MLPH: variants seen among roughly 807,000 people sequenced by gnomAD.
MLPH encodes the protein melanophilin, also known as exophilin-3.
Under a neutral mutation model 72.1 loss-of-function variants are expected in MLPH, and 51 were observed. The ratio of observed to expected loss-of-function variants is 0.71; its 90% confidence interval spans 0.56 to 0.89. The LOEUF is 0.89. MLPH is among the 40% of genes least tolerant of loss of function. The pLI is 0.00. For missense variants in MLPH, 743 were observed against 759.9 expected (o/e 0.98, Z 0.26); for synonymous variants, 301 against 310.1 (o/e 0.97, Z 0.31).
At chr2:237,526,461 T>C (rs2080307458) in intron 7 of MLPH, among the ~76,000 whole-genome samples, 1 of 152,114 alleles carries the variant, frequency 6.6e-6, no homozygotes, top group African/African-American at 2.4e-5. Context: ...GAAGGGGCCG[T>C]AATCTCATGC....
chr2:237,494,343 C>T (rs988155041), intron 2 of MLPH, among the ~76,000 whole-genome samples: 5 of 151,174 alleles, frequency 3.3e-5, no homozygotes, highest in South Asian at 4.2e-4. Context: ...CACAGGCTGG[C>T]GAGGCTGGAG....
chr2:237,510,555 T>C lies in MLPH; in HGVS notation c.111-19T>C, dbSNP rs771963302. On this transcript the variant is annotated intron_variant, in intron 2 of 15. Coordinates refer to ENST00000264605, the MANE Select transcript of MLPH (RefSeq NM_024101.7). This position sits in a 1 kb window ranked among gnomAD's most constrained non-coding sequence, Gnocchi z 4.4. ...AACAAGATGCCCAATATATTTCTTG[T>C]TTCTGATATTTTCCCAAGGGCGTTG... The C allele has an allele frequency of 6.2e-7, 1 of 1,611,970 alleles. No homozygotes were observed. Among genetic ancestry groups the C allele is most frequent in the Non-Finnish European group, 8.5e-7 (1 of 1,179,356 alleles).
intron 2 of MLPH, among the ~76,000 whole-genome samples, chr2:237,508,922 T>C (rs2079832510): frequency 6.6e-6 from 1 of 152,242 alleles, no homozygotes; most frequent in Admixed American, 6.5e-5. Context: ...GTAAGTCACA[T>C]TCAGGAGGGT....
intron 6 of MLPH, among the ~76,000 whole-genome samples, chr2:237,522,238 GC>G (rs2080201390): frequency 6.3e-5 from 3 of 47,852 alleles, no homozygotes; most frequent in African/African-American, 1.4e-4. Context: ...CTGGAGTGGA[GC>G]TGGGCTGAGA....
chr2:237,495,785 A>G (rs1170753225), intron 2 of MLPH, among the ~76,000 whole-genome samples: 1 of 152,180 alleles, frequency 6.6e-6, no homozygotes, highest in Non-Finnish European at 1.5e-5. Flanking sequence ...AGCCAGTACC[A>G]GCCTGGTGGC....
chr2:237,539,057 G>T (rs540703222), intron 9 of MLPH, among the ~76,000 whole-genome samples: 2 of 152,182 alleles, frequency 1.3e-5, no homozygotes, highest in Non-Finnish European at 2.9e-5. Flanking sequence ...GCGGGTGGGC[G>T]CGCAGAGGCT....
chr2:237,540,738 C>T, intron 10 of MLPH, 64 bp from the exon 11 acceptor site: 2 of 1,595,636 alleles, frequency 1.3e-6, no homozygotes, highest in East Asian at 4.5e-5. Context: ...TGGTGAGTCC[C>T]CATCTGGGTG....
At chr2:237,514,450 T>C (rs1272535070) in intron 4 of MLPH, among the ~76,000 whole-genome samples, 2 of 151,570 alleles carry the variant, frequency 1.3e-5, no homozygotes, top group Non-Finnish European at 2.9e-5. Context: ...AGGGAAAGAG[T>C]GATATTTGTA....
chr2:237,532,631 C>T (rs1019376419), intron 8 of MLPH, among the ~76,000 whole-genome samples: 4 of 152,170 alleles, frequency 2.6e-5, no homozygotes, highest in Non-Finnish European at 4.4e-5. Context: ...TTGGTATTGT[C>T]GCGAGTTGAA....
In MLPH at chr2:237,553,778, CCT is replaced by C; in HGVS notation, c.*187_*188del. The C allele has an allele frequency of 1.2e-6, 1 of 833,618 alleles. No homozygotes were observed. Among genetic ancestry groups the C allele is most frequent in the Middle Eastern group, 2.7e-4 (1 of 3,748 alleles). 51.6% of individuals were successfully genotyped at this position (833,618 alleles called of 1,614,324 possible). On this transcript the variant is annotated 3_prime_UTR_variant, in exon 16 of 16. Coordinates refer to ENST00000264605, the MANE Select transcript of MLPH (RefSeq NM_024101.7). ...GCGACATTCAGTCCTGCACTGCTCA[CCT>C]GGGTTTACTGATGACTCCTGGCTGC...
At chr2:237,545,733 G>A in intron 12 of MLPH, 1 of 1,090,888 alleles carries the variant, frequency 9.2e-7, no homozygotes, top group Admixed American at 3.6e-5. Flanking sequence ...AAGAATGAAA[G>A]ATGACCTTAG....
At chr2:237,552,518 A>G (rs1165017491) in intron 15 of MLPH, 81 bp downstream of exon 15, 20 of 1,199,000 alleles carry the variant, frequency 1.7e-5, no homozygotes, top group Non-Finnish European at 2.4e-5. Context: ...AAGTCTTCAG[A>G]GCAAAGAAAA....
At chr2:237,527,571 T>C in intron 8 of MLPH, 55 bp downstream of exon 8, 1 of 1,605,882 alleles carries the variant, frequency 6.2e-7, no homozygotes, top group Non-Finnish European at 8.5e-7. Flanking sequence ...GGAGTCTTTT[T>C]ACCTCCACAC....
intron 14 of MLPH, among the ~76,000 whole-genome samples, chr2:237,550,033 G>T (rs1330831488): frequency 6.6e-6 from 1 of 152,232 alleles, no homozygotes; most frequent in Non-Finnish European, 1.5e-5. Context: ...ACACACTGGA[G>T]CCAGCCTGCC....
intron 8 of MLPH, among the ~76,000 whole-genome samples, chr2:237,533,390 CTTTTTTTTTT>C (rs746139615): frequency 1.9e-5 from 2 of 108,008 alleles, no homozygotes; most frequent in East Asian, 5.2e-4. Context: ...ATTTTCTTTT[CTTTTTTTTTT>C]TTTTTTTTTT....
intron 14 of MLPH, among the ~76,000 whole-genome samples, chr2:237,550,670 C>T (rs985164348): frequency 1.3e-5 from 2 of 152,212 alleles, no homozygotes; most frequent in East Asian, 1.9e-4. Flanking sequence ...CTGCCTCTGC[C>T]TCCTGAGTAG....
chr2:237,536,095 G>A (rs981023730), intron 9 of MLPH, among the ~76,000 whole-genome samples: 2 of 152,198 alleles, frequency 1.3e-5, no homozygotes, highest in African/African-American at 4.8e-5. Flanking sequence ...TAGGTTTGCA[G>A]CTGCTCATTT....
intron 1 of MLPH, among the ~76,000 whole-genome samples, chr2:237,492,779 C>T (rs995283185): frequency 6.6e-6 from 1 of 152,208 alleles, no homozygotes; most frequent in African/African-American, 2.4e-5. Flanking sequence ...CCCAAACACA[C>T]ACATGGCAAA....
intron 4 of MLPH, chr2:237,511,476 A>G: frequency 7.8e-6 from 2 of 256,634 alleles, no homozygotes; most frequent in South Asian, 9.7e-5. Flanking sequence ...TGAGCACCTC[A>G]GAAGTCCTGG....
Sources: gnomAD v4.1 joint callset for allele counts (sites outside exome capture counted in the v4.1 genomes callset) on GRCh38, gnomAD v4.1.1 for gene constraint, Gnocchi (gnomAD v3.1) non-coding constraint, MANE v1.5 for transcripts, NCBI Gene and HGNC (gene_info 2026-07-23, HGNC 2026-07-21) for gene names.